Variants in ABCD4 observed in about 807,000 individuals in gnomAD.
ABCD4 encodes the protein ATP binding cassette subfamily D member 4.
A neutral mutation model predicts 86.3 loss-of-function variants in ABCD4; 53 were observed. The ratio of observed to expected loss-of-function variants is 0.61; its 90% confidence interval spans 0.49 to 0.77. The LOEUF (loss-of-function observed/expected upper bound fraction) is 0.77, where lower values mean the gene tolerates loss of function less well. ABCD4 is among the 30% of genes least tolerant of loss of function. The pLI is 0.00. For missense variants in ABCD4, 757 were observed against 764.5 expected (o/e 0.99, Z 0.12); for synonymous variants, 328 against 313.6 (o/e 1.05, Z -0.49).
intron 15 of ABCD4, 97 bp downstream of exon 15, chr14:74,288,619 C>G (rs1398442369): frequency 7.1e-7 from 1 of 1,415,532 alleles, no homozygotes; most frequent in East Asian, 2.4e-5. Context: ...TTCAGACTTC[C>G]AGTCCTGGGC....
At chr14:74,302,852 T>C in intron 1 of ABCD4, 23 bp downstream of exon 1, 1 of 1,600,476 alleles carries the variant, frequency 6.2e-7, no homozygotes, top group African/African-American at 1.4e-5. Flanking sequence ...CTCCCAAACC[T>C]CCTCCCCGAC....
chr14:74,296,537 T>C (rs2082921497), intron 4 of ABCD4, 88 bp from the exon 5 acceptor site: 1 of 1,225,220 alleles, frequency 8.2e-7, no homozygotes, highest in South Asian at 1.3e-5. Flanking sequence ...CCTCTGCTCT[T>C]GACCTTGCCT....
At chr14:74,295,765 C>A (rs2082687692) in intron 6 of ABCD4, 89 bp downstream of exon 6, 46 of 1,560,842 alleles carry the variant, frequency 2.9e-5, no homozygotes, top group Non-Finnish European at 3.9e-5. Flanking sequence ...ACTGGCACAG[C>A]TAGGATTTGA....
At position 74,286,488 on chromosome 14, in the gene ABCD4, C is replaced by T; in HGVS notation, c.1794G>A (p.Trp598Ter). 2 of 1,614,246 alleles carry T rather than the reference C, an allele frequency of 1.2e-6. No individual in the cohort carries two copies. The highest frequency in any genetic ancestry group is 1.7e-6 in the Non-Finnish European group (2 of 1,180,048). The change falls in exon 19 of 19, where the codon TGG becomes TGA. Residue 598 changes from tryptophan (W) to a stop codon, truncating the protein, a stop_gained. Coordinates refer to ENST00000356924, the MANE Select transcript of ABCD4 (RefSeq NM_005050.4). LOFTEE classifies it high-confidence loss of function. ...ATTCCACTTTGATTCTCATCAGCTCCCATCTTCCTCCTCCACAGAGTTTCA... is the reference window on the plus strand; with the variant it reads ...ATTCCACTTTGATTCTCATCAGCTCTCATCTTCCTCCTCCACAGAGTTTCA... ...LVLKLCGGGR[W>*]ELMRIKVE is the part of the protein sequence containing the mutation.
At position 74,302,893 on chromosome 14, in the gene ABCD4, G is replaced by A. The variant is rs763842574; in HGVS notation, c.20C>T (p.Ala7Val). MAVAGP[A>V]PGAGARPRLD... Reference sequence around the variant, plus strand: ...TGCTTACCTGGCGCCAGCTCCGGGCGCGGGCCCCGCGACCGCCATGACCTG... The same window carrying A: ...TGCTTACCTGGCGCCAGCTCCGGGCACGGGCCCCGCGACCGCCATGACCTG... Residue 7 changes from alanine (A) to valine (V), a missense_variant, in exon 1 of 19, where the codon GCG (alanine) becomes GTG (valine). By Grantham distance (64) the Ala-to-Val change is moderately conservative (BLOSUM62 0). Transcript: ENST00000356924. 6.8e-6 allele frequency: 11 copies of A among 1,606,496 alleles called. No individual in the cohort carries two copies. In the Admixed American group the frequency reaches 1.0e-4, roughly 15 times the overall value.
chr14:74,302,798 C>T, intron 1 of ABCD4, 77 bp downstream of exon 1: 1 of 1,400,780 alleles, frequency 7.1e-7, no homozygotes. Context: ...GCGGACGAGG[C>T]ACGGAGGGCA....
At position 74,286,463 on chromosome 14, in the gene ABCD4, A is replaced by C; in HGVS notation, c.1819T>G (p.Ter607GlyextTer53). 6.2e-7 allele frequency: 1 copy of C among 1,614,208 alleles called. No individual in the cohort carries two copies. The highest frequency in any genetic ancestry group is 1.3e-5 in the African/African-American group (1 of 75,072). ...RWELMRIKVE* is the reference protein window; with the variant it reads ...RWELMRIKVEG The stretch of plus-strand genomic sequence containing the variant: ...CTCTCCTTCCAAAAGCCAGAGCTTC[A>C]TTCCACTTTGATTCTCATCAGCTCC... Residue 607 changes from the stop codon to glycine (G), a stop_lost, in exon 19 of 19, where the codon TGA becomes GGA. Transcript: ENST00000356924.
In ABCD4 at chr14:74,299,665, C is replaced by A. The variant is rs2083803652; in HGVS notation, c.168G>T (p.Val56=). Residue 56 remains valine (V), a synonymous_variant, in exon 3 of 19, where the codon GTG becomes GTT. Coordinates refer to ENST00000356924, the MANE Select transcript of ABCD4 (RefSeq NM_005050.4). ...LLCLTLLEQF[V]IYQVGLIPSQ... ...TGGGGATCAAGCCAACCTGGTAGAT[C>A]ACAAATTGCTCTGAAAGGAGGGAGA... 1 of 1,612,526 alleles carries A rather than the reference C, an allele frequency of 6.2e-7. No homozygotes were observed. Among genetic ancestry groups the A allele is most frequent in the South Asian group, 1.1e-5 (1 of 90,874 alleles).
chr14:74,292,848 T>G lies in ABCD4; in HGVS notation c.836A>C (p.Tyr279Ser). The G allele has an allele frequency of 5.6e-6, 9 of 1,614,124 alleles. No homozygotes were observed. Among genetic ancestry groups the G allele is most frequent in the Non-Finnish European group, 7.6e-6 (9 of 1,180,020 alleles). Residue 279 changes from tyrosine (Y) to serine (S), a missense_variant, in exon 9 of 19, where the codon TAT becomes TCT. By Grantham distance (144) the Tyr-to-Ser change is moderately radical. Transcript: ENST00000356924. Reference protein sequence around the residue: ...WLYIGINTFDYLGSILSYVVI... With the variant: ...WLYIGINTFDSLGSILSYVVI... ...AACGTAACTCAGGATGCTGCCCAGA[T>G]AGTCAAAGGTGTTGATGCCGACTGT... is the stretch of plus-strand genomic sequence containing the variant.
In ABCD4 at chr14:74,286,484, G is replaced by C; in HGVS notation, c.1798C>G (p.Leu600Val). 6.2e-7 allele frequency: 1 copy of C among 1,614,212 alleles called. No homozygotes were observed. The highest frequency in any genetic ancestry group is 1.1e-5 in the South Asian group (1 of 91,086). The change falls in exon 19 of 19, where the codon CTG (leucine) becomes GTG (valine). Residue 600 changes from leucine (L) to valine (V), a missense_variant. Transcript: ENST00000356924. ...LKLCGGGRWE[L>V]MRIKVE is the part of the protein sequence containing the mutation. Reference sequence around the variant, plus strand: ...CTTCATTCCACTTTGATTCTCATCAGCTCCCATCTTCCTCCTCCACAGAGT... The same window carrying C: ...CTTCATTCCACTTTGATTCTCATCACCTCCCATCTTCCTCCTCCACAGAGT...
In ABCD4 at chr14:74,290,160, A is replaced by C. The variant is rs757424556; in HGVS notation, c.1328-42T>G. ...AACCTCCATTGTGAGATCTCCCAGA[A>C]GAGGCAACTGCCTGTCTCCTCTCTT... On this transcript the variant is annotated intron_variant, in intron 12 of 18. Transcript: ENST00000356924. 1.1e-5 allele frequency: 18 copies of C among 1,612,832 alleles called. No homozygotes were observed. The East Asian group carries it at 3.8e-4, about 34-fold the overall frequency.
chr14:74,285,595 C>T lies in ABCD4; in HGVS notation c.*866G>A, dbSNP rs2079588924. 2 of 152,184 alleles carry T rather than the reference C, an allele frequency of 1.3e-5. 1 individual carries two copies. Among genetic ancestry groups the T allele is most frequent in the South Asian group, 4.1e-4 (2 of 4,834 alleles). The allele number at this position is 152,184 out of a possible 1,614,324, so 9.4% of individuals were successfully genotyped here. ...GAAGGTAAGGAAGGTAATACATAGACAACTGAACTGGAGGGGCACTGGTCT... is the reference window on the plus strand; with the variant it reads ...GAAGGTAAGGAAGGTAATACATAGATAACTGAACTGGAGGGGCACTGGTCT... On this transcript the variant is annotated 3_prime_UTR_variant, in exon 19 of 19. Coordinates refer to ENST00000356924, the MANE Select transcript of ABCD4 (RefSeq NM_005050.4).
chr14:74,286,663 C>G (rs200735116), intron 18 of ABCD4, 38 bp downstream of exon 18: 2 of 1,613,498 alleles, frequency 1.2e-6, no homozygotes, highest in East Asian at 4.5e-5. Flanking sequence ...CCTTTGGGTT[C>G]TTTCTCCTCC....
intron 6 of ABCD4, 132 bp downstream of exon 6, chr14:74,295,722 G>T: frequency 8.0e-7 from 1 of 1,251,424 alleles, no homozygotes; most frequent in Non-Finnish European, 1.1e-6. Context: ...GCTTGGAGAG[G>T]TTAAAGACCT....
Position 74,302,907 on chromosome 14 carries a change from C to A in ABCD4, c.6G>T (p.Ala2=), listed in dbSNP as rs1486429349. Residue 2 remains alanine (A), a synonymous_variant, in exon 1 of 19, where the codon GCG becomes GCT. Coordinates refer to ENST00000356924, the MANE Select transcript of ABCD4 (RefSeq NM_005050.4). The stretch of plus-strand genomic sequence containing the variant: ...CAGCTCCGGGCGCGGGCCCCGCGAC[C>A]GCCATGACCTGAGACCCGAGGGACT... M[A]VAGPAPGAGA... The A allele has an allele frequency of 5.6e-6, 9 of 1,608,468 alleles. No individual in the cohort carries two copies. Among genetic ancestry groups the A allele is most frequent in the Non-Finnish European group, 6.8e-6 (8 of 1,177,740 alleles).
Position 74,290,460 on chromosome 14 carries a change from T to C in ABCD4, c.1158A>G (p.Ala386=). 1 of 1,613,882 alleles carries C rather than the reference T, an allele frequency of 6.2e-7. No homozygotes were observed. The highest frequency in any genetic ancestry group is 8.5e-7 in the Non-Finnish European group (1 of 1,179,986). ...AGATGGAGACCCGCTCAAGGAGAAATGCTGTGTCTGCTGGCTCTGCCGCTG... is the reference window on the plus strand; with the variant it reads ...AGATGGAGACCCGCTCAAGGAGAAACGCTGTGTCTGCTGGCTCTGCCGCTG... The part of the protein sequence containing the change: ...GWPAAEPADT[A]FLLERVSISA... Residue 386 remains alanine (A), a synonymous_variant, in exon 12 of 19, where the codon GCA becomes GCG. Coordinates refer to ENST00000356924, the MANE Select transcript of ABCD4 (RefSeq NM_005050.4).
At position 74,299,454 on chromosome 14, in the gene ABCD4, T is replaced by C. The variant is rs909319367; in HGVS notation, c.285+94A>G. Reference sequence around the variant, plus strand: ...AGGGAGGAAACACACCCCCACAGCTTGCTTCCTGCTTCCTGGAGGCTAAGT... The same window carrying C: ...AGGGAGGAAACACACCCCCACAGCTCGCTTCCTGCTTCCTGGAGGCTAAGT... On this transcript the variant is annotated intron_variant, in intron 3 of 18. Coordinates refer to ENST00000356924, the MANE Select transcript of ABCD4 (RefSeq NM_005050.4). 18 of 1,499,146 alleles carry C rather than the reference T, an allele frequency of 1.2e-5. No individual in the cohort carries two copies. The African/African-American group carries it at 2.5e-4, about 21-fold the overall frequency. 92.9% of individuals were successfully genotyped at this position (1,499,146 alleles called of 1,614,324 possible). A position where few individuals can be genotyped will look rare whatever the true frequency, so the allele number is the denominator to read the frequency against.
chr14:74,295,151 T>C lies in ABCD4; in HGVS notation c.716A>G (p.Tyr239Cys). ...GGAACCATCTCTCCAGACTCACCTGTAGAAAGCAGCAGGCTCCGCATTCAC... is the reference window on the plus strand; with the variant it reads ...GGAACCATCTCTCCAGACTCACCTGCAGAAAGCAGCAGGCTCCGCATTCAC... The part of the protein sequence containing the change: ...IRVNAEPAAF[Y>C]RAGHVEHMRT... Residue 239 changes from tyrosine (Y) to cysteine (C), a missense_variant, in exon 7 of 19, where the codon TAC (tyrosine) becomes TGC (cysteine). By Grantham distance (194) the Tyr-to-Cys change is radical (BLOSUM62 -2). Coordinates refer to ENST00000356924, the MANE Select transcript of ABCD4 (RefSeq NM_005050.4). The C allele has an allele frequency of 6.2e-7, 1 of 1,614,170 alleles. No homozygotes were observed. Among genetic ancestry groups the C allele is most frequent in the Non-Finnish European group, 8.5e-7 (1 of 1,180,012 alleles).
chr14:74,291,858 A>G (rs951492471), intron 11 of ABCD4, among the ~76,000 whole-genome samples: 1 of 152,202 alleles, frequency 6.6e-6, no homozygotes, highest in Non-Finnish European at 1.5e-5. Flanking sequence ...TGCCCAAGGA[A>G]AGTGTGGAGA....
Sources: gnomAD v4.1 joint callset for allele counts (sites outside exome capture counted in the v4.1 genomes callset) on GRCh38, gnomAD v4.1.1 for gene constraint, MANE v1.5 for transcripts, NCBI Gene and HGNC (gene_info 2026-07-23, HGNC 2026-07-21) for gene names.